RALGPS1: variants seen among roughly 807,000 people sequenced by gnomAD.
RALGPS1 encodes the protein ras-specific guanine nucleotide-releasing factor RalGPS1.
In RALGPS1, 19 loss-of-function variants were observed where a neutral mutation model predicts 78.8. The ratio of observed to expected loss-of-function variants is 0.24; its 90% CI spans 0.17 to 0.35. RALGPS1 has a LOEUF of 0.35. RALGPS1 is among the 10% of genes least tolerant of loss of function. The pLI is 1.00. For synonymous variants in RALGPS1, 228 were observed against 256.3 expected, an observed-to-expected ratio of 0.89 and a Z score of 1.06; for missense variants, 454 against 688.3, an observed-to-expected ratio of 0.66 and a Z score of 3.81.
intron 1 of RALGPS1, among the ~76,000 whole-genome samples, chr9:126,961,058 A>C (rs925659773): frequency 6.6e-6 from 1 of 151,066 alleles, no homozygotes; most frequent in Admixed American, 6.6e-5. Flanking sequence ...CTTCCTCCCA[A>C]CTCCCTCCTT....
chr9:127,204,634 G>A (rs763360516), intron 14 of RALGPS1, among the ~76,000 whole-genome samples: 4 of 152,192 alleles, frequency 2.6e-5, no homozygotes, highest in East Asian at 1.9e-4. Context: ...CTAAGAGGTC[G>A]CTGCAGACAG....
At chr9:127,174,980 G>A (rs1044560572) in intron 11 of RALGPS1, among the ~76,000 whole-genome samples, 198 bp downstream of exon 11, 7 of 152,182 alleles carry the variant, frequency 4.6e-5, no homozygotes, top group Non-Finnish European at 8.8e-5. Context: ...CCTCTGTGCC[G>A]GGGCTCCCTG....
rs2060409425 is a variant in RALGPS1 at position 127,183,370 on chromosome 9, A to G, written c.910+8588A>G. Among the ~76,000 whole-genome samples the G allele has an allele frequency of 6.6e-6, 1 of 151,978 alleles. No individual in the cohort carries two copies. Among genetic ancestry groups the G allele is most frequent in the Non-Finnish European group, 1.5e-5 (1 of 67,992 alleles). Reference sequence around the variant, plus strand: ...TTTGGGGACCCCTGCAGCCCCTTCCATGCCCCCCCGCAAAGTCTGGTGCCC... The same window carrying G: ...TTTGGGGACCCCTGCAGCCCCTTCCGTGCCCCCCCGCAAAGTCTGGTGCCC... On this transcript the variant is annotated intron_variant, in intron 11 of 18. Transcript: ENST00000259351. This position sits in a 1 kb window ranked among gnomAD's most constrained non-coding sequence, Gnocchi z 4.0.
At chr9:126,988,663 G>A (rs975811177) in intron 4 of RALGPS1, among the ~76,000 whole-genome samples, 2 of 152,190 alleles carry the variant, frequency 1.3e-5, no homozygotes, top group South Asian at 2.1e-4. Flanking sequence ...TAGTCAGGGA[G>A]ACTAGTTAGG....
intron 1 of RALGPS1, among the ~76,000 whole-genome samples, chr9:126,927,726 C>T (rs1405297959): frequency 6.6e-6 from 1 of 152,176 alleles, no homozygotes; most frequent in Non-Finnish European, 1.5e-5. Context: ...TCTCTATCCG[C>T]TGAAGCCAGA....
chr9:127,217,028 C>A, intron 18 of RALGPS1: 1 of 1,501,906 alleles, frequency 6.7e-7, no homozygotes, highest in South Asian at 1.3e-5. Flanking sequence ...TGGCCCCAGT[C>A]AGGAGCAACA....
In RALGPS1 at chr9:127,218,196, G is replaced by A. The variant is rs372150349; in HGVS notation, c.1645-544G>A. On this transcript the variant is annotated intron_variant, in intron 18 of 18. Transcript: ENST00000259351. The surrounding 1 kb of genome is among the most constrained non-coding windows in gnomAD (Gnocchi z 4.4). ...CTCTGACCTTGGGGCTAGTGGTCCC[G>A]CCAGTAAAGGGGTCTAGGATCTTGT... Among the ~76,000 whole-genome samples, 192 of 152,212 alleles carry A rather than the reference G, an allele frequency of 1.3e-3. 3 individuals carry two copies. The highest frequency in any genetic ancestry group is 4.5e-3 in the African/African-American group (188 of 41,524).
intron 7 of RALGPS1, among the ~76,000 whole-genome samples, chr9:127,056,039 G>A (rs2048714879): frequency 6.6e-6 from 1 of 152,162 alleles, no homozygotes; most frequent in Admixed American, 6.5e-5. Context: ...AATGCCTTCT[G>A]GCCACTGATT....
At chr9:127,017,164 A>G (rs2044919057) in intron 4 of RALGPS1, among the ~76,000 whole-genome samples, 1 of 152,204 alleles carries the variant, frequency 6.6e-6, no homozygotes, top group Non-Finnish European at 1.5e-5. Flanking sequence ...ATCATGAGAA[A>G]TGCATCTTTA....
At chr9:127,025,896 G>T (rs912046257) in intron 4 of RALGPS1, among the ~76,000 whole-genome samples, 7 of 151,666 alleles carry the variant, frequency 4.6e-5, no homozygotes, top group Admixed American at 1.3e-4. Flanking sequence ...GTAGCGACAG[G>T]GTTGCACTAT....
At chr9:127,118,015 C>T (rs564234046) in intron 8 of RALGPS1, among the ~76,000 whole-genome samples, 1 of 152,184 alleles carries the variant, frequency 6.6e-6, no homozygotes, top group South Asian at 2.1e-4. Flanking sequence ...TGGACTGACA[C>T]AATAGTTCAG....
At chr9:127,202,882 C>T (rs1157818676) in intron 14 of RALGPS1, among the ~76,000 whole-genome samples, 1 of 152,038 alleles carries the variant, frequency 6.6e-6, no homozygotes, top group African/African-American at 2.4e-5. Context: ...CTCTGCTCTC[C>T]CAGGGAGGTG....
In RALGPS1 at chr9:127,220,220, A is replaced by T. The variant is rs1247669087; in HGVS notation, c.*1451A>T. 6.6e-6 allele frequency: 1 copy of T among 152,172 alleles called. No homozygotes were observed. The highest frequency in any genetic ancestry group is 1.5e-5 in the Non-Finnish European group (1 of 68,028). 9.4% of individuals were successfully genotyped at this position (152,172 alleles called of 1,614,324 possible). ...GAATTTCTGGGTCCTTGCAGCTGTG[A>T]TGGTTTCAGAGCTCAGACTGATCAG... On this transcript the variant is annotated 3_prime_UTR_variant, in exon 19 of 19. Transcript: ENST00000259351.
intron 14 of RALGPS1, among the ~76,000 whole-genome samples, chr9:127,201,800 G>T (rs1054189558): frequency 7.9e-5 from 12 of 152,212 alleles, no homozygotes; most frequent in Non-Finnish European, 1.8e-4. Context: ...GTGTCAGCCT[G>T]CCTGGGCCCA....
intron 8 of RALGPS1, among the ~76,000 whole-genome samples, chr9:127,121,875 T>C (rs1192592926): frequency 6.6e-6 from 1 of 152,156 alleles, no homozygotes; most frequent in Admixed American, 6.5e-5. Flanking sequence ...TGCCTCACAT[T>C]GTCCCGGCCT....
intron 5 of RALGPS1, among the ~76,000 whole-genome samples, chr9:127,037,020 T>A (rs1373431935): frequency 1.3e-5 from 2 of 152,250 alleles, no homozygotes; most frequent in African/African-American, 2.4e-5. Flanking sequence ...ATTAGCTGTA[T>A]GATCTTGGGT....
intron 8 of RALGPS1, among the ~76,000 whole-genome samples, chr9:127,154,303 G>T (rs1020899183): frequency 1.3e-5 from 2 of 152,246 alleles, no homozygotes; most frequent in African/African-American, 4.8e-5. Flanking sequence ...GGGTGTCCTG[G>T]AGAAGGGTGG....
At chr9:127,164,302 C>G (rs1185834417) in intron 8 of RALGPS1, among the ~76,000 whole-genome samples, 1 of 151,940 alleles carries the variant, frequency 6.6e-6, no homozygotes, top group Non-Finnish European at 1.5e-5. Flanking sequence ...GTGGCCCAAT[C>G]TCAGCTCACT....
chr9:127,069,173 T>C (rs2049969129), intron 7 of RALGPS1, 57 bp from the exon 8 acceptor site: 4 of 1,470,720 alleles, frequency 2.7e-6, no homozygotes, highest in Non-Finnish European at 2.8e-6. Flanking sequence ...TCCACAGTTA[T>C]CCACTCTTTA....
Sources: allele counts gnomAD v4.1 joint callset (sites outside exome capture counted in the v4.1 genomes callset), GRCh38; gene constraint gnomAD v4.1.1; non-coding constraint Gnocchi (gnomAD v3.1); transcripts MANE v1.5; gene names NCBI Gene and HGNC (gene_info 2026-07-23, HGNC 2026-07-21).